Variants in CLMP observed in about 807,000 individuals in gnomAD.
CLMP encodes the protein CXADR-like membrane protein.
A neutral mutation model predicts 45.2 loss-of-function variants in CLMP; 27 were observed. That is an observed-to-expected ratio of 0.60 (90% CI 0.44 to 0.82). The LOEUF is 0.82. Among genes scored for constraint, CLMP ranks in the 40% least tolerant of loss-of-function variants. The pLI, the probability that CLMP is intolerant of heterozygous loss-of-function variation, is 0.00. For missense variants in CLMP, 403 were observed against 448.4 expected (o/e 0.90, Z 0.91); for synonymous variants, 167 against 171.4 (o/e 0.97, Z 0.20).
At position 123,119,147 on chromosome 11, in the gene CLMP, G is replaced by C. The variant is rs528528032; in HGVS notation, c.29-21195C>G. On this transcript the variant is annotated intron_variant, in intron 1 of 6. Coordinates refer to ENST00000448775, the MANE Select transcript of CLMP (RefSeq NM_024769.5). Reference sequence around the variant, plus strand: ...TGCCCAGGCTGGAGTGCAATGGCATGATCTTGGCTCACCACAACCTCCACC... The same window carrying C: ...TGCCCAGGCTGGAGTGCAATGGCATCATCTTGGCTCACCACAACCTCCACC... Among the ~76,000 whole-genome samples, 6 of 147,696 alleles carry C rather than the reference G, an allele frequency of 4.1e-5. No individual in the cohort carries two copies. The East Asian group carries it at 1.0e-3, about 25-fold the overall frequency.
intron 1 of CLMP, among the ~76,000 whole-genome samples, chr11:123,157,813 A>T (rs910666243): frequency 2.0e-5 from 3 of 150,964 alleles, no homozygotes; most frequent in African/African-American, 4.9e-5. Context: ...CGGAGCAGAG[A>T]CCGGGACGCT....
In CLMP at chr11:123,137,954, A is replaced by C. The variant is rs144256777; in HGVS notation, c.29-40002T>G. ...CCAGTATCCCAGCAGAAAGAGTAGT[A>C]ATTTTATTTTTTTTTTAATTTGACG... On this transcript the variant is annotated intron_variant, in intron 1 of 6. Transcript: ENST00000448775. 1.2e-3 allele frequency among the ~76,000 whole-genome samples: 189 copies of C among 152,100 alleles called. 1 individual carries two copies. Among genetic ancestry groups the C allele is most frequent in the African/African-American group, 4.4e-3 (181 of 41,484 alleles).
intron 5 of CLMP, among the ~76,000 whole-genome samples, chr11:123,079,760 T>G (rs1391813089): frequency 6.6e-6 from 1 of 152,202 alleles, no homozygotes; most frequent in East Asian, 1.9e-4. Context: ...GTTGTGTTTT[T>G]AAGAAAAATT....
chr11:123,083,845 T>A lies in CLMP; in HGVS notation c.391A>T (p.Arg131Ter). Residue 131 changes from arginine to a stop codon, truncating the protein, a stop_gained and splice_region_variant, in exon 4 of 7, where the codon AGA (arginine) becomes TGA (stop). Transcript: ENST00000448775. LOFTEE classifies it high-confidence loss of function. ...WSHVILKVLVRPSKPKCELEG... is the reference protein window; with the variant it reads ...WSHVILKVLV Reference sequence around the variant, plus strand: ...AACTCACACTTGGGCTTGGATGGTCTCACTGGCAACAGCAACAACAAGCAA... The same window carrying A: ...AACTCACACTTGGGCTTGGATGGTCACACTGGCAACAGCAACAACAAGCAA... 1 of 1,612,754 alleles carries A rather than the reference T, an allele frequency of 6.2e-7. No homozygotes were observed.
intron 1 of CLMP, among the ~76,000 whole-genome samples, chr11:123,120,954 CT>C (rs1364293671): frequency 4.0e-5 from 6 of 151,622 alleles, no homozygotes; most frequent in Non-Finnish European, 7.4e-5. Context: ...GTGAAACCCC[CT>C]CTCTACTAAA....
intron 1 of CLMP, among the ~76,000 whole-genome samples, chr11:123,171,563 C>A (rs1215887461): frequency 6.6e-6 from 1 of 151,732 alleles, no homozygotes; most frequent in Admixed American, 6.6e-5. Flanking sequence ...CTTGCCTCAG[C>A]CTTCCGAGTA....
At chr11:123,116,354 A>G (rs1243359403) in intron 1 of CLMP, among the ~76,000 whole-genome samples, 1 of 151,850 alleles carries the variant, frequency 6.6e-6, no homozygotes, top group East Asian at 1.9e-4. Flanking sequence ...ATCACCTGAG[A>G]TCAGTAGTTC....
intron 1 of CLMP, among the ~76,000 whole-genome samples, chr11:123,173,987 G>A (rs759275949): frequency 1.3e-5 from 2 of 152,172 alleles, no homozygotes; most frequent in African/African-American, 4.8e-5. Context: ...GGAGGCTGAG[G>A]TGGGAGGACC....
intron 2 of CLMP, among the ~76,000 whole-genome samples, chr11:123,085,866 T>G (rs555727389): frequency 6.6e-6 from 1 of 151,274 alleles, no homozygotes; most frequent in East Asian, 2.0e-4. Context: ...AACCTCTGTC[T>G]CCTGGGTTCA....
At chr11:123,187,164 G>A (rs1447879460) in intron 1 of CLMP, among the ~76,000 whole-genome samples, 1 of 152,178 alleles carries the variant, frequency 6.6e-6, no homozygotes, top group African/African-American at 2.4e-5. Flanking sequence ...TTGGGGAGGT[G>A]AAGTAACTTG....
intron 1 of CLMP, among the ~76,000 whole-genome samples, chr11:123,132,750 T>A (rs1307386864): frequency 6.6e-6 from 1 of 151,952 alleles, no homozygotes; most frequent in African/African-American, 2.4e-5. Flanking sequence ...TGAGACACTG[T>A]GCCTGGCCCT....
intron 5 of CLMP, among the ~76,000 whole-genome samples, chr11:123,078,716 C>T (rs1865768527): frequency 1.3e-5 from 2 of 149,576 alleles, no homozygotes; most frequent in Non-Finnish European, 3.0e-5. Flanking sequence ...GGGATCTCGG[C>T]TCACTGCAAG....
At chr11:123,147,432 T>A (rs1321935753) in intron 1 of CLMP, among the ~76,000 whole-genome samples, 4 of 152,230 alleles carry the variant, frequency 2.6e-5, no homozygotes, top group African/African-American at 7.2e-5. Context: ...CTTTCTTTTT[T>A]AAAAAATTAA....
At chr11:123,083,572 C>G (rs767598880) in intron 4 of CLMP, 108 bp downstream of exon 4, 30 of 1,123,504 alleles carry the variant, frequency 2.7e-5, no homozygotes, top group Non-Finnish European at 3.8e-5. Context: ...TCAGGAGGTT[C>G]AGCAGGGTAT....
intron 1 of CLMP, among the ~76,000 whole-genome samples, chr11:123,102,240 T>A (rs1232852469): frequency 1.3e-5 from 2 of 151,212 alleles, no homozygotes; most frequent in Non-Finnish European, 2.9e-5. Context: ...ATAACACTAT[T>A]GTAGAACCTA....
At chr11:123,074,991 T>C (rs1329309534) in intron 5 of CLMP, 148 bp from the exon 6 acceptor site, 8 of 935,840 alleles carry the variant, frequency 8.5e-6, no homozygotes, top group Non-Finnish European at 1.1e-5. Flanking sequence ...GTTTCACTCT[T>C]GTTGCCCAGG....
At chr11:123,190,295 A>C (rs1861892258) in intron 1 of CLMP, among the ~76,000 whole-genome samples, 1 of 152,164 alleles carries the variant, frequency 6.6e-6, no homozygotes, top group Admixed American at 6.5e-5. Flanking sequence ...TTCTTGGTTT[A>C]TCATCATGTG....
At chr11:123,161,056 C>A (rs1861481121) in intron 1 of CLMP, among the ~76,000 whole-genome samples, 1 of 151,914 alleles carries the variant, frequency 6.6e-6, no homozygotes, top group African/African-American at 2.4e-5. Flanking sequence ...ATTTCCTTGG[C>A]CTTCCTTTGA....
intron 1 of CLMP, among the ~76,000 whole-genome samples, chr11:123,105,097 A>T (rs1374654928): frequency 6.6e-6 from 1 of 152,178 alleles, no homozygotes; most frequent in Admixed American, 6.5e-5. Context: ...GCACTTATCA[A>T]AGGACCTCTG....
Sources: gnomAD v4.1 joint callset for allele counts (sites outside exome capture counted in the v4.1 genomes callset) on GRCh38, gnomAD v4.1.1 for gene constraint, MANE v1.5 for transcripts, NCBI Gene and HGNC (gene_info 2026-07-23, HGNC 2026-07-21) for gene names.